The following GIPC2 variants were observed in gnomAD, a reference collection of about 807,000 sequenced individuals.
The protein encoded by GIPC2 is GIPC PDZ domain containing family member 2.
In GIPC2, 30 loss-of-function variants were observed where a neutral mutation model predicts 30.6. The ratio of observed to expected loss-of-function variants is 0.98; its 90% CI spans 0.73 to 1.33. The LOEUF (loss-of-function observed/expected upper bound fraction) is 1.33, where lower values mean the gene tolerates loss of function less well. Among genes scored for constraint, GIPC2 ranks in the 40% most tolerant of loss-of-function variants. The probability of loss-of-function intolerance (pLI) is 0.00; values close to 1 mark genes in which losing one functional copy is unlikely to be tolerated. For synonymous variants in GIPC2, 167 were observed against 150.0 expected (o/e 1.11, Z -0.83); for missense variants, 414 against 390.3 (o/e 1.06, Z -0.51).
At chr1:78,081,435 A>G (rs1236838006) in intron 2 of GIPC2, among the ~76,000 whole-genome samples, 2 of 152,150 alleles carry the variant, frequency 1.3e-5, no homozygotes, top group Non-Finnish European at 2.9e-5. Context: ...TAGCATTGCC[A>G]TTGTGTTAGG....
chr1:78,045,993 C>A lies in GIPC2; in HGVS notation c.-102C>A. ...GCGGAAGCGCGGCTGCCATTGGAGG[C>A]TGCTTTTACCTGCGCGGGGCCCGGG... On this transcript the variant is annotated 5_prime_UTR_variant, in exon 1 of 6. The change creates a new upstream start codon in the 5' untranslated region. Coordinates refer to ENST00000370759, the MANE Select transcript of GIPC2 (RefSeq NM_017655.6). 3.6e-6 allele frequency: 5 copies of A among 1,383,852 alleles called. No homozygotes were observed. The highest frequency in any genetic ancestry group is 4.7e-6 in the Non-Finnish European group (5 of 1,071,688). The allele number at this position is 1,383,852 out of a possible 1,614,324, so 85.7% of individuals were successfully genotyped here.
chr1:78,050,791 T>C (rs1415273912), intron 1 of GIPC2, among the ~76,000 whole-genome samples: 1 of 152,094 alleles, frequency 6.6e-6, no homozygotes, highest in Non-Finnish European at 1.5e-5. Context: ...CCTGCCACCA[T>C]GCCCGGCTAA....
intron 1 of GIPC2, among the ~76,000 whole-genome samples, chr1:78,060,724 G>A (rs1330872970): frequency 6.6e-6 from 1 of 151,544 alleles, no homozygotes; most frequent in Non-Finnish European, 1.5e-5. Context: ...ATTTTTACAT[G>A]GTAAACATCC....
intron 5 of GIPC2, among the ~76,000 whole-genome samples, chr1:78,127,499 C>T (rs1662803797): frequency 6.6e-6 from 1 of 152,196 alleles, no homozygotes; most frequent in Admixed American, 6.5e-5. Flanking sequence ...TATTACCTGT[C>T]TTTCTCCTGA....
At chr1:78,104,597 A>G (rs1282639045) in intron 3 of GIPC2, among the ~76,000 whole-genome samples, 2 of 152,170 alleles carry the variant, frequency 1.3e-5, no homozygotes, top group Non-Finnish European at 1.5e-5. Flanking sequence ...AAGGAAATAA[A>G]AAGTGTGAGT....
intron 2 of GIPC2, among the ~76,000 whole-genome samples, chr1:78,083,630 A>G (rs1250581809): frequency 1.3e-5 from 2 of 152,162 alleles, no homozygotes; most frequent in Non-Finnish European, 1.5e-5. Context: ...TTCTAATTCC[A>G]TCACTCCTTA....
intron 1 of GIPC2, among the ~76,000 whole-genome samples, chr1:78,071,793 A>G (rs1465498367): frequency 1.3e-5 from 2 of 152,156 alleles, no homozygotes; most frequent in East Asian, 1.9e-4. Flanking sequence ...GGTTAGAAAA[A>G]GCCCGAATTC....
intron 3 of GIPC2, among the ~76,000 whole-genome samples, chr1:78,116,786 T>C (rs1315802620): frequency 1.3e-5 from 2 of 152,208 alleles, no homozygotes; most frequent in Non-Finnish European, 2.9e-5. Flanking sequence ...TCCAAGTCTT[T>C]GCTATTGTGA....
At chr1:78,064,867 C>A (rs1236919101) in intron 1 of GIPC2, among the ~76,000 whole-genome samples, 1 of 151,766 alleles carries the variant, frequency 6.6e-6, no homozygotes, top group African/African-American at 2.4e-5. Context: ...CCTCAGCCTC[C>A]CAAGCAGCTG....
At chr1:78,077,780 T>G (rs115424272) in intron 1 of GIPC2, among the ~76,000 whole-genome samples, 2,683 of 152,350 alleles carry the variant, frequency 0.018, 58 homozygotes, top group South Asian at 0.1. Flanking sequence ...ATTGTTTTCA[T>G]ATGAGTATGA....
chr1:78,133,618 T>A (rs1490867044), intron 5 of GIPC2, among the ~76,000 whole-genome samples: 1 of 152,042 alleles, frequency 6.6e-6, no homozygotes, highest in Non-Finnish European at 1.5e-5. Context: ...AAGATAGCAT[T>A]TTGAGTGGTC....
intron 1 of GIPC2, among the ~76,000 whole-genome samples, chr1:78,063,553 T>C (rs1351988118): frequency 6.6e-6 from 1 of 151,002 alleles, no homozygotes; most frequent in Non-Finnish European, 1.5e-5. Context: ...TGTATCTACT[T>C]GTAGTGAATA....
intron 4 of GIPC2, among the ~76,000 whole-genome samples, chr1:78,121,953 A>G (rs933441901): frequency 1.3e-5 from 2 of 152,126 alleles, no homozygotes; most frequent in East Asian, 1.9e-4. Context: ...AAATGAGCAG[A>G]CCTTTAAACA....
intron 1 of GIPC2, among the ~76,000 whole-genome samples, chr1:78,074,734 G>A (rs981411532): frequency 2.6e-5 from 4 of 152,102 alleles, no homozygotes; most frequent in African/African-American, 9.7e-5. Context: ...ACAAGAATGA[G>A]ACTATTCCAG....
At chr1:78,123,273 AAAAAAG>A (rs1662717897) in intron 4 of GIPC2, among the ~76,000 whole-genome samples, 1 of 151,126 alleles carries the variant, frequency 6.6e-6, no homozygotes, top group Non-Finnish European at 1.5e-5. Context: ...AAAAAAAAAA[AAAAAAG>A]GGTCAGGAAG....
intron 2 of GIPC2, among the ~76,000 whole-genome samples, chr1:78,090,267 T>C (rs1662013700): frequency 6.6e-6 from 1 of 152,218 alleles, no homozygotes; most frequent in African/African-American, 2.4e-5. Flanking sequence ...TGGTCTTGGC[T>C]CACTGCAACC....
At chr1:78,076,708 C>A (rs1661723004) in intron 1 of GIPC2, among the ~76,000 whole-genome samples, 2 of 152,126 alleles carry the variant, frequency 1.3e-5, no homozygotes, top group Non-Finnish European at 2.9e-5. Flanking sequence ...GGGTTGGGGA[C>A]CCCTGCAATA....
upstream of GIPC2, chr1:78,045,659 C>G (rs1661053140): frequency 1.0e-6 from 1 of 985,348 alleles, no homozygotes; most frequent in Admixed American, 6.1e-5. Flanking sequence ...ATCCCTATCC[C>G]CGAAAGTCCA....
rs1388683710 is a variant in GIPC2, at chr1:78,046,244, C to T, written c.150C>T (p.His50=). ...TGGTCTTCCACGCGCAGCTGGCGCACGGTAGTGCCACGGGCCGAGTGGAGG... is the reference window on the plus strand; with the variant it reads ...TGGTCTTCCACGCGCAGCTGGCGCATGGTAGTGCCACGGGCCGAGTGGAGG... ...RRLVFHAQLA[H]GSATGRVEGF... is the part of the protein sequence containing the mutation. Residue 50 remains histidine, a synonymous_variant, in exon 1 of 6, where the codon CAC becomes CAT. Coordinates refer to ENST00000370759, the MANE Select transcript of GIPC2 (RefSeq NM_017655.6). 3.1e-6 allele frequency: 5 copies of T among 1,608,942 alleles called. No individual in the cohort carries two copies. The South Asian group carries it at 3.3e-5, about 11-fold the overall frequency.
Sources: gnomAD v4.1 joint callset for allele counts (sites outside exome capture counted in the v4.1 genomes callset) on GRCh38, gnomAD v4.1.1 for gene constraint, MANE v1.5 for transcripts, NCBI Gene and HGNC (gene_info 2026-07-23, HGNC 2026-07-21) for gene names.